The following CNTNAP5 variants were observed in gnomAD, a reference collection of about 807,000 sequenced individuals.
The protein encoded by CNTNAP5 is contactin-associated protein-like 5.
CNTNAP5 carries 72 observed loss-of-function variants against 150.2 expected under a neutral mutation model. That is an observed-to-expected ratio of 0.48 (90% CI 0.40 to 0.58). CNTNAP5 has a LOEUF of 0.58. CNTNAP5 is among the 20% of genes least tolerant of loss of function. The pLI is 0.00. For synonymous variants in CNTNAP5, 672 were observed against 619.8 expected, an observed-to-expected ratio of 1.08 and a Z score of -1.25; for missense variants, 1,636 against 1,626.2, an observed-to-expected ratio of 1.01 and a Z score of -0.10.
intron 3 of CNTNAP5, among the ~76,000 whole-genome samples, chr2:124,307,175 G>A (rs1031348398): frequency 2.6e-5 from 4 of 152,132 alleles, no homozygotes; most frequent in Non-Finnish European, 5.9e-5. Context: ...CAGGGTGCCA[G>A]AATGATTGGG....
intron 3 of CNTNAP5, among the ~76,000 whole-genome samples, chr2:124,265,825 G>A (rs936572840): frequency 1.4e-5 from 2 of 140,414 alleles, no homozygotes; most frequent in African/African-American, 2.5e-5. Flanking sequence ...TCCATTTGCA[G>A]CATGAGAATG....
At chr2:124,225,414 A>T (rs1428052690) in intron 2 of CNTNAP5, among the ~76,000 whole-genome samples, 2 of 152,168 alleles carry the variant, frequency 1.3e-5, no homozygotes, top group East Asian at 3.9e-4. Context: ...AGCCAGAATA[A>T]CTTCAGTGTT....
At chr2:124,889,270 TTG>T (rs1284555400) in intron 21 of CNTNAP5, among the ~76,000 whole-genome samples, 7 of 151,784 alleles carry the variant, frequency 4.6e-5, no homozygotes, top group African/African-American at 1.7e-4. Context: ...TGGCTAATTT[TTG>T]TATTTGTAGT....
intron 13 of CNTNAP5, among the ~76,000 whole-genome samples, chr2:124,747,011 T>C (rs1039624850): frequency 6.7e-6 from 1 of 148,698 alleles, no homozygotes; most frequent in African/African-American, 2.5e-5. Flanking sequence ...GAGACAGAGA[T>C]GGAAAAAGAA....
chr2:124,486,008 A>G (rs1693872815), intron 7 of CNTNAP5, among the ~76,000 whole-genome samples: 1 of 152,222 alleles, frequency 6.6e-6, no homozygotes, highest in South Asian at 2.1e-4. Flanking sequence ...TTGGACTTGC[A>G]TGTTTATAGC....
chr2:124,695,492 A>G (rs1679386768), intron 13 of CNTNAP5, among the ~76,000 whole-genome samples: 1 of 152,142 alleles, frequency 6.6e-6, no homozygotes, highest in South Asian at 2.1e-4. Flanking sequence ...CAGAACACCA[A>G]TGGGTGTACA....
At chr2:124,884,664 T>C (rs1441131066) in intron 21 of CNTNAP5, among the ~76,000 whole-genome samples, 1 of 152,120 alleles carries the variant, frequency 6.6e-6, no homozygotes, top group Admixed American at 6.6e-5. Flanking sequence ...ATCGCTTGCT[T>C]AGAGAGAAAG....
At chr2:124,847,406 C>G (rs1472660568) in intron 19 of CNTNAP5, among the ~76,000 whole-genome samples, 1 of 152,146 alleles carries the variant, frequency 6.6e-6, no homozygotes, top group African/African-American at 2.4e-5. Flanking sequence ...AGCAGGCAGT[C>G]ACAGGCCTCA....
In CNTNAP5 at chr2:124,859,919, G is replaced by A. The variant is rs1677475061; in HGVS notation, c.3218-5387G>A. Among the ~76,000 whole-genome samples the A allele has an allele frequency of 3.3e-5, 5 of 152,026 alleles. No homozygotes were observed. In the South Asian group the frequency reaches 1.0e-3, roughly 32 times the overall value. On this transcript the variant is annotated intron_variant, in intron 19 of 23. Coordinates refer to ENST00000682447, the MANE Select transcript of CNTNAP5 (RefSeq NM_001367498.1). Reference sequence around the variant, plus strand: ...CACTGGGGCCTGTGGTGGGGTGAGGGGAGCAGGGAGGGATAGCATTAGGGG... The same window carrying A: ...CACTGGGGCCTGTGGTGGGGTGAGGAGAGCAGGGAGGGATAGCATTAGGGG...
intron 3 of CNTNAP5, among the ~76,000 whole-genome samples, chr2:124,327,242 A>C (rs1307580962): frequency 2.0e-5 from 3 of 151,968 alleles, no homozygotes; most frequent in Admixed American, 6.6e-5. Context: ...GGCCTCCCAA[A>C]GTGCTGGGAT....
At chr2:124,639,077 A>T (rs1678035407) in intron 12 of CNTNAP5, among the ~76,000 whole-genome samples, 2 of 152,210 alleles carry the variant, frequency 1.3e-5, no homozygotes, top group Non-Finnish European at 2.9e-5. Flanking sequence ...GTGGATAAAA[A>T]TTCTGGTAGT....
At chr2:124,672,394 A>G (rs951552305) in intron 13 of CNTNAP5, among the ~76,000 whole-genome samples, 2 of 152,218 alleles carry the variant, frequency 1.3e-5, no homozygotes, top group African/African-American at 2.4e-5. Context: ...AAAAATATGC[A>G]GGAGGAAATT....
intron 6 of CNTNAP5, among the ~76,000 whole-genome samples, chr2:124,467,634 AG>A (rs1247273335): frequency 6.6e-6 from 1 of 152,204 alleles, no homozygotes; most frequent in African/African-American, 2.4e-5. Context: ...TAAAATATTC[AG>A]AAAAGAAAAA....
intron 10 of CNTNAP5, among the ~76,000 whole-genome samples, chr2:124,543,555 T>TAACCATGTCGG (rs1401215392): frequency 1.3e-5 from 2 of 152,310 alleles, no homozygotes; most frequent in East Asian, 3.9e-4. Context: ...GATGTGTCTG[T>TAACCATGTCGG]AACCATGTCG....
chr2:124,818,139 C>T (rs1254849153), intron 19 of CNTNAP5, among the ~76,000 whole-genome samples: 1 of 152,166 alleles, frequency 6.6e-6, no homozygotes, highest in Non-Finnish European at 1.5e-5. Context: ...TGCACACCCA[C>T]CTAACAGTGC....
intron 19 of CNTNAP5, among the ~76,000 whole-genome samples, chr2:124,810,654 A>G (rs1020783987): frequency 2.6e-5 from 4 of 152,176 alleles, no homozygotes; most frequent in Non-Finnish European, 5.9e-5. Context: ...TATAAAAAAG[A>G]AAGACATGAG....
At chr2:124,084,790 T>G (rs1213388061) in intron 1 of CNTNAP5, among the ~76,000 whole-genome samples, 1 of 152,052 alleles carries the variant, frequency 6.6e-6, no homozygotes, top group African/African-American at 2.4e-5. Flanking sequence ...TTCCTATTTC[T>G]CTGTTTTCCA....
At chr2:124,874,811 C>T (rs1308678378) in intron 21 of CNTNAP5, among the ~76,000 whole-genome samples, 1 of 152,014 alleles carries the variant, frequency 6.6e-6, no homozygotes, top group Non-Finnish European at 1.5e-5. Context: ...GCACTCATGG[C>T]ATGCTGATAG....
chr2:124,702,804 G>A (rs1005793034), intron 13 of CNTNAP5, among the ~76,000 whole-genome samples: 10 of 152,060 alleles, frequency 6.6e-5, no homozygotes, highest in Non-Finnish European at 1.2e-4. Flanking sequence ...AGCATTAAAG[G>A]GAGGTAGGGA....
Sources: gnomAD v4.1 joint callset for allele counts (sites outside exome capture counted in the v4.1 genomes callset) on GRCh38, gnomAD v4.1.1 for gene constraint, MANE v1.5 for transcripts, NCBI Gene and HGNC (gene_info 2026-07-23, HGNC 2026-07-21) for gene names.